FAAP100: variants seen among roughly 807,000 people sequenced by gnomAD.
FAAP100 encodes the protein FA core complex associated protein 100.
Under a neutral mutation model 65.8 loss-of-function variants are expected in FAAP100, and 46 were observed. The ratio of observed to expected loss-of-function variants is 0.70; its 90% CI spans 0.55 to 0.89. The LOEUF (loss-of-function observed/expected upper bound fraction) is 0.89, where lower values mean the gene tolerates loss of function less well. Ranked by LOEUF, FAAP100 falls within the 40% of genes least tolerant of loss-of-function variation. The pLI, the probability that FAAP100 is intolerant of heterozygous loss-of-function variation, is 0.00. For synonymous variants in FAAP100, 663 were observed against 555.1 expected, an observed-to-expected ratio of 1.19 and a Z score of -2.73; for missense variants, 1,165 against 1,196.7, an observed-to-expected ratio of 0.97 and a Z score of 0.39.
chr17:81,550,198 G>C (rs897441235), intron 3 of FAAP100, 50 bp downstream of exon 3: 3 of 1,499,502 alleles, frequency 2.0e-6, no homozygotes, highest in Non-Finnish European at 2.7e-6. Context: ...CAGCCAAAAA[G>C]GGTGCTCCAC....
intron 4 of FAAP100, 59 bp from the exon 5 acceptor site, chr17:81,547,737 C>A: frequency 6.4e-7 from 1 of 1,571,418 alleles, no homozygotes; most frequent in Non-Finnish European, 8.7e-7. Flanking sequence ...CCAGGTGCCA[C>A]ATCTTGACTC....
chr17:81,550,166 A>T, intron 3 of FAAP100, 82 bp downstream of exon 3: 1 of 1,309,952 alleles, frequency 7.6e-7, no homozygotes, highest in Non-Finnish European at 1.1e-6. Flanking sequence ...CCAGGAAAGG[A>T]AGGCGGCCTG....
rs763498723 is a variant in FAAP100 at position 81,551,977 on chromosome 17, C to T, written c.241G>A (p.Ala81Thr). 3.2e-6 allele frequency: 5 copies of T among 1,566,170 alleles called. No individual in the cohort carries two copies. Among genetic ancestry groups the T allele is most frequent in the Non-Finnish European group, 4.3e-6 (5 of 1,165,292 alleles). The change falls in exon 2 of 9, where the codon GCC becomes ACC. Residue 81 changes from alanine to threonine, a missense_variant. Physicochemically the swap from Ala to Thr is moderately conservative, Grantham distance 58 (BLOSUM62 0). Coordinates refer to ENST00000327787, the MANE Select transcript of FAAP100 (RefSeq NM_025161.6). ...GACAGGCAGTAGAGGCCCCTCCGGG[C>T]GCACAGCGCGTACAGCAACCTGCGC... ...APRRLLYALC[A>T]RRGLYCLSLD...
At position 81,540,723 on chromosome 17, in the gene FAAP100, G is replaced by A. The variant is rs2033058990; in HGVS notation, c.*96C>T. On this transcript the variant is annotated 3_prime_UTR_variant, in exon 9 of 9. Coordinates refer to ENST00000327787, the MANE Select transcript of FAAP100 (RefSeq NM_025161.6). ...GGTCCTACCTTCCCTGACGGCTCTG[G>A]CCAGGCCAGCTCGGTTTCCCTCTAA... 2.2e-6 allele frequency: 3 copies of A among 1,390,086 alleles called. No homozygotes were observed. The highest frequency in any genetic ancestry group is 5.2e-5 in the East Asian group (2 of 38,190). 86.1% of individuals were successfully genotyped at this position (1,390,086 alleles called of 1,614,324 possible).
chr17:81,549,119 C>G, intron 4 of FAAP100, 87 bp downstream of exon 4: 3 of 1,462,296 alleles, frequency 2.1e-6, no homozygotes, highest in Non-Finnish European at 1.8e-6. Flanking sequence ...CCCGAGGACA[C>G]TCACACCCAG....
At chr17:81,549,711 G>A (rs1449902945) in intron 3 of FAAP100, among the ~76,000 whole-genome samples, 1 of 152,212 alleles carries the variant, frequency 6.6e-6, no homozygotes, top group East Asian at 1.9e-4. Context: ...ACTGGTAGGA[G>A]GTGTGTGGCT....
At position 81,552,051 on chromosome 17, in the gene FAAP100, G is replaced by A. The variant is rs1372934300; in HGVS notation, c.167C>T (p.Ala56Val). The A allele has an allele frequency of 4.6e-6, 7 of 1,518,200 alleles. No individual in the cohort carries two copies. The highest frequency in any genetic ancestry group is 6.1e-6 in the Non-Finnish European group (7 of 1,143,930). 94.0% of individuals were successfully genotyped at this position (1,518,200 alleles called of 1,614,324 possible). A position where few individuals can be genotyped will look rare whatever the true frequency, so the allele number is the denominator to read the frequency against. The part of the protein sequence containing the change: ...VYDQEGGLLT[A>V]AFRFPDQVWH... ...CACCTGGTCGGGGAACCGGAACGCC[G>A]CCTGCGGACCGGGGCGCGGGTCAGG... Residue 56 changes from alanine to valine, a missense_variant and splice_region_variant, in exon 2 of 9, where the codon GCG (alanine) becomes GTG (valine). Ala to Val is a moderately conservative substitution (Grantham distance 64, BLOSUM62 0). Coordinates refer to ENST00000327787, the MANE Select transcript of FAAP100 (RefSeq NM_025161.6).
In FAAP100 at chr17:81,552,293, C is replaced by A; in HGVS notation, c.38G>T (p.Gly13Val). The change falls in exon 1 of 9, where the codon GGC becomes GTC. Residue 13 changes from glycine to valine, a missense_variant. Physicochemically the swap from Gly to Val is moderately radical, Grantham distance 109 (BLOSUM62 -3). Transcript: ENST00000327787. ...GAAPRVRYLA[G>V]FCCPLGGLAA... ...CAGGCCCCCGAGAGGGCAGCAGAAG[C>A]CCGCCAGGTAGCGGACCCGCGGCGC... The A allele has an allele frequency of 6.9e-7, 1 of 1,447,902 alleles. No individual in the cohort carries two copies. Among genetic ancestry groups the A allele is most frequent in the Non-Finnish European group, 9.0e-7 (1 of 1,107,882 alleles). The allele number at this position is 1,447,902 out of a possible 1,614,324, so 89.7% of individuals were successfully genotyped here. A position where few individuals can be genotyped will look rare whatever the true frequency, so the allele number is the denominator to read the frequency against.
In FAAP100 at chr17:81,540,692, T is replaced by A. The variant is rs1046937519; in HGVS notation, c.*127A>T. The stretch of plus-strand genomic sequence containing the variant: ...CTTTCATGAGCGTTCTGCTCCTACG[T>A]GGCCAGGTCCTACCTTCCCTGACGG... On this transcript the variant is annotated 3_prime_UTR_variant, in exon 9 of 9. Coordinates refer to ENST00000327787, the MANE Select transcript of FAAP100 (RefSeq NM_025161.6). 1 of 1,249,832 alleles carries A rather than the reference T, an allele frequency of 8.0e-7. No homozygotes were observed. Among genetic ancestry groups the A allele is most frequent in the African/African-American group, 1.5e-5 (1 of 65,596 alleles). The allele number at this position is 1,249,832 out of a possible 1,614,324, so 77.4% of individuals were successfully genotyped here.
intron 7 of FAAP100, among the ~76,000 whole-genome samples, 199 bp downstream of exon 7, chr17:81,543,803 TGA>T (rs1205824060): frequency 6.6e-6 from 1 of 152,162 alleles, no homozygotes; most frequent in East Asian, 1.9e-4. Flanking sequence ...ATTGGCCTCC[TGA>T]GAGGGTCCAC....
In FAAP100 at chr17:81,551,009, TC is replaced by T; in HGVS notation, c.484del (p.Glu162ArgfsTer92). Reference protein sequence around the residue: ...MQLFEQPCPGEDPRPGGQIGE... With the variant: ...MQLFEQPCPGXDPRPGGQIGE... ...GATCTGGCCTCCTGGCCGGGGGTCC[TC>T]CCCAGGACAGGGCTGCTCAAACAGC... On this transcript the variant is annotated frameshift_variant, in exon 3 of 9. Coordinates refer to ENST00000327787, the MANE Select transcript of FAAP100 (RefSeq NM_025161.6). LOFTEE classifies it high-confidence loss of function. 6.2e-7 allele frequency: 1 copy of T among 1,611,466 alleles called. No homozygotes were observed. Among genetic ancestry groups the T allele is most frequent in the Admixed American group, 1.7e-5 (1 of 59,878 alleles).
chr17:81,542,094 G>T (rs1407577095), intron 7 of FAAP100, among the ~76,000 whole-genome samples: 35 of 140,216 alleles, frequency 2.5e-4, no homozygotes, highest in African/African-American at 9.1e-4. Context: ...GTGAACCCAG[G>T]AGGCGGAGCT....
intron 2 of FAAP100, 103 bp downstream of exon 2, chr17:81,551,825 C>G: frequency 2.2e-6 from 3 of 1,391,294 alleles, no homozygotes; most frequent in Non-Finnish European, 2.8e-6. Flanking sequence ...TCAGAGCTGG[C>G]GGCAGCCCGG....
rs138384381 is a variant in FAAP100 at position 81,547,535 on chromosome 17, C to A, written c.1547G>T (p.Arg516Leu). ...ISCTTSTTWSRLQTQDVLMAT... is the reference protein window; with the variant it reads ...ISCTTSTTWSLLQTQDVLMAT... Reference sequence around the variant, plus strand: ...CATGAGCACATCCTGTGTCTGCAGGCGGCTCCAGGTGGTGCTGGTGGTGCA... The same window carrying A: ...CATGAGCACATCCTGTGTCTGCAGGAGGCTCCAGGTGGTGCTGGTGGTGCA... The change falls in exon 5 of 9, where the codon CGC (arginine) becomes CTC (leucine). Residue 516 changes from arginine to leucine, a missense_variant. Transcript: ENST00000327787. 5.6e-6 allele frequency: 9 copies of A among 1,613,338 alleles called. No individual in the cohort carries two copies. The highest frequency in any genetic ancestry group is 7.6e-6 in the Non-Finnish European group (9 of 1,180,028).
In FAAP100 at chr17:81,549,294, C is replaced by CAA; in HGVS notation, c.1314_1315insTT (p.Glu439LeufsTer9). 6.2e-7 allele frequency: 1 copy of CAA among 1,613,252 alleles called. No homozygotes were observed. Among genetic ancestry groups the CAA allele is most frequent in the Non-Finnish European group, 8.5e-7 (1 of 1,179,998 alleles). On this transcript the variant is annotated frameshift_variant, in exon 4 of 9. Coordinates refer to ENST00000327787, the MANE Select transcript of FAAP100 (RefSeq NM_025161.6). LOFTEE classifies it high-confidence loss of function. Reference sequence around the variant, plus strand: ...GTCATCCTGGCTGGGCCAGGCATCTCAGAGTCCAGGTCCAGGCTGCAGGTC... The same window carrying CAA: ...GTCATCCTGGCTGGGCCAGGCATCTCAAAGAGTCCAGGTCCAGGCTGCAGGTC...
At chr17:81,548,671 G>C (rs137925371) in intron 4 of FAAP100, among the ~76,000 whole-genome samples, 1 of 152,076 alleles carries the variant, frequency 6.6e-6, no homozygotes, top group East Asian at 1.9e-4. Flanking sequence ...CCCAGGAAGC[G>C]AAGGTTGCAT....
In FAAP100 at chr17:81,550,389, CCA is replaced by C; in HGVS notation, c.1103_1104del (p.Val368GlyfsTer13). 6.2e-7 allele frequency: 1 copy of C among 1,612,806 alleles called. No individual in the cohort carries two copies. Among genetic ancestry groups the C allele is most frequent in the Non-Finnish European group, 8.5e-7 (1 of 1,180,010 alleles). On this transcript the variant is annotated frameshift_variant, in exon 3 of 9. Transcript: ENST00000327787. LOFTEE classifies it high-confidence loss of function. ...GGGGTGCTTCCCCGAGACAGATCCA[CCA>C]CACAGAGGTCAGAAGGGGTGCTGTG... The part of the protein sequence containing the change: ...VYHSTPSDLC[V>X]VDLSRGSTPL...
At chr17:81,543,888 T>C in intron 7 of FAAP100, 116 bp downstream of exon 7, 1 of 956,528 alleles carries the variant, frequency 1.0e-6, no homozygotes, top group Non-Finnish European at 1.6e-6. Context: ...TGGATCTTCC[T>C]ACAACTCCCT....
chr17:81,549,254 C>G lies in FAAP100; in HGVS notation c.1355G>C (p.Gly452Ala). The G allele has an allele frequency of 6.2e-7, 1 of 1,613,144 alleles. No homozygotes were observed. The highest frequency in any genetic ancestry group is 8.5e-7 in the Non-Finnish European group (1 of 1,180,006). ...AGACAGCAGCTCCTTTATTTTCTGA[C>G]CTGCACTCTCTGTGGTCATCCTGGC... ...GPARMTTESA[G>A]QKIKELLSGI... The change falls in exon 4 of 9, where the codon GGT becomes GCT. Residue 452 changes from glycine to alanine, a missense_variant. By Grantham distance (60) the Gly-to-Ala change is moderately conservative. Transcript: ENST00000327787.
Sources: gnomAD v4.1 joint callset for allele counts (sites outside exome capture counted in the v4.1 genomes callset) on GRCh38, gnomAD v4.1.1 for gene constraint, MANE v1.5 for transcripts, NCBI Gene and HGNC (gene_info 2026-07-23, HGNC 2026-07-21) for gene names.